H3C4: variants seen among roughly 807,000 people sequenced by gnomAD.
The protein encoded by H3C4 is H3 clustered histone 4.
In H3C4, 10 loss-of-function variants were observed where a neutral mutation model predicts 8.7. That is an observed-to-expected ratio of 1.15 (90% CI 0.71 to 1.96). The LOEUF (loss-of-function observed/expected upper bound fraction) is 1.96. Among genes scored for constraint, H3C4 ranks in the 30% most tolerant of loss-of-function variants. H3C4 has a pLI of 0.00. For synonymous variants in H3C4, 141 were observed against 80.1 expected (o/e 1.76, Z -4.06); for missense variants, 216 against 192.9 (o/e 1.12, Z -0.71).
At chr6:26,198,606 A>G (rs762855821), upstream of H3C4, among the ~76,000 whole-genome samples, 22 of 152,194 alleles carry the variant, frequency 1.4e-4, no homozygotes, top group Non-Finnish European at 1.0e-4. Context: ...TCCTGGGATT[A>G]CAGGCGTAAG....
upstream of H3C4, chr6:26,199,293 T>C (rs897718233): frequency 1.9e-6 from 3 of 1,562,004 alleles, no homozygotes; most frequent in Non-Finnish European, 1.7e-6. Flanking sequence ...AATGTAAAAG[T>C]GAATTTTGTT....
At chr6:26,199,127 G>C, upstream of H3C4, 1 of 1,614,232 alleles carries the variant, frequency 6.2e-7, no homozygotes, top group East Asian at 2.2e-5. Flanking sequence ...GCTCGGAGTA[G>C]TTGCCCTTGC....
upstream of H3C4, among the ~76,000 whole-genome samples, chr6:26,197,532 G>T (rs1029857641): frequency 6.6e-6 from 1 of 152,044 alleles, no homozygotes; most frequent in Non-Finnish European, 1.5e-5. Flanking sequence ...TGGCAAAATT[G>T]TGTCTAGCTA....
rs775620987 is a variant in H3C4 at position 26,197,071 on chromosome 6, C to T, written c.180G>A (p.Glu60=). ...REIRRYQKST[E]LLIRKLPFQR... The stretch of plus-strand genomic sequence containing the variant: ...GGAATGGCAGTTTGCGAATCAGCAG[C>T]TCGGTCGACTTCTGGTAGCGGCGGA... The change falls in exon 1 of 1, where the codon GAG becomes GAA. Residue 60 remains glutamate (E), a synonymous_variant. Transcript: ENST00000356476. 1 of 1,614,248 alleles carries T rather than the reference C, an allele frequency of 6.2e-7. No individual in the cohort carries two copies.
chr6:26,199,112 G>A (rs776440489), upstream of H3C4: 41 of 1,614,052 alleles, frequency 2.5e-5, no homozygotes, highest in South Asian at 2.2e-4. Flanking sequence ...CGCCGGCCCC[G>A]ACTCGCTCGG....
chr6:26,197,544 T>A (rs1312179734), upstream of H3C4, among the ~76,000 whole-genome samples: 1 of 152,192 alleles, frequency 6.6e-6, no homozygotes, highest in Non-Finnish European at 1.5e-5. Context: ...GTCTAGCTAC[T>A]AGGATGACGT....
In H3C4 at chr6:26,197,054, A is replaced by T; in HGVS notation, c.197T>A (p.Leu66Gln). The change falls in exon 1 of 1, where the codon CTG becomes CAG. Residue 66 changes from leucine (L) to glutamine (Q), a missense_variant. Physicochemically the swap from Leu to Gln is moderately radical, Grantham distance 113 (BLOSUM62 -2). Coordinates refer to ENST00000356476, the MANE Select transcript of H3C4 (RefSeq NM_001376937.1). ...CTCACGGACTAGACGCTGGAATGGCAGTTTGCGAATCAGCAGCTCGGTCGA... is the reference window on the plus strand; with the variant it reads ...CTCACGGACTAGACGCTGGAATGGCTGTTTGCGAATCAGCAGCTCGGTCGA... ...QKSTELLIRK[L>Q]PFQRLVREIA... The T allele has an allele frequency of 6.2e-7, 1 of 1,614,204 alleles. No homozygotes were observed.
upstream of H3C4, chr6:26,198,782 C>T: frequency 1.4e-6 from 2 of 1,479,608 alleles, no homozygotes; most frequent in African/African-American, 1.4e-5. Flanking sequence ...TTAAGGAATA[C>T]ATGGGTGGCT....
chr6:26,199,087 C>T, upstream of H3C4: 2 of 1,614,176 alleles, frequency 1.2e-6, no homozygotes, highest in Non-Finnish European at 1.7e-6. Context: ...AACACCGCCG[C>T]CAGATACACT....
At position 26,197,098 on chromosome 6, in the gene H3C4, C is replaced by A; in HGVS notation, c.153G>T (p.Glu51Asp). Residue 51 changes from glutamate to aspartate, a missense_variant, in exon 1 of 1, where the codon GAG becomes GAT. Transcript: ENST00000356476. ...RYRPGTVALREIRRYQKSTEL... is the reference protein window; with the variant it reads ...RYRPGTVALRDIRRYQKSTEL... ...CGGTCGACTTCTGGTAGCGGCGGAT[C>A]TCGCGCAGAGCCACCGTGCCGGGCC... 6.2e-7 allele frequency: 1 copy of A among 1,614,214 alleles called. No homozygotes were observed. Among genetic ancestry groups the A allele is most frequent in the Non-Finnish European group, 8.5e-7 (1 of 1,180,038 alleles).
chr6:26,198,783 A>T (rs1765048325), upstream of H3C4: 1 of 1,488,378 alleles, frequency 6.7e-7, no homozygotes, highest in Non-Finnish European at 9.2e-7. Flanking sequence ...TAAGGAATAC[A>T]TGGGTGGCTC....
upstream of H3C4, chr6:26,198,880 C>CA (rs768934419): frequency 9.9e-6 from 16 of 1,613,970 alleles, no homozygotes; most frequent in South Asian, 6.6e-5. Flanking sequence ...TGGTGACTCT[C>CA]AGTCTTCTTG....
chr6:26,198,307 C>T (rs1765028964), upstream of H3C4, among the ~76,000 whole-genome samples: 1 of 152,144 alleles, frequency 6.6e-6, no homozygotes, highest in Non-Finnish European at 1.5e-5. Context: ...CATAAAGTCT[C>T]TTTGCATTTT....
At chr6:26,199,181 C>A (rs758098633), upstream of H3C4, 7 of 1,613,948 alleles carry the variant, frequency 4.3e-6, no homozygotes, top group East Asian at 2.2e-5. Flanking sequence ...GGAGTCCGGC[C>A]CGCGAAGAGC....
chr6:26,198,302 A>C (rs1765028815), upstream of H3C4, among the ~76,000 whole-genome samples: 1 of 152,176 alleles, frequency 6.6e-6, no homozygotes, highest in East Asian at 1.9e-4. Context: ...TGTGACATAA[A>C]GTCTCTTTGC....
chr6:26,198,830 G>A (rs538661204), upstream of H3C4: 4 of 1,603,572 alleles, frequency 2.5e-6, no homozygotes, highest in African/African-American at 1.4e-5. Flanking sequence ...TCCTTAAAAA[G>A]CCAATATAAG....
At chr6:26,199,087 C>A (rs773050913), upstream of H3C4, 6 of 1,614,176 alleles carry the variant, frequency 3.7e-6, no homozygotes, top group South Asian at 1.1e-5. Flanking sequence ...AACACCGCCG[C>A]CAGATACACT....
chr6:26,198,829 AG>A (rs1376188704), upstream of H3C4: 1 of 1,602,844 alleles, frequency 6.2e-7, no homozygotes. Context: ...TTCCTTAAAA[AG>A]CCAATATAAG....
upstream of H3C4, chr6:26,198,988 G>C (rs762403025): frequency 1.2e-6 from 2 of 1,614,216 alleles, no homozygotes; most frequent in Non-Finnish European, 1.7e-6. Context: ...CGGATGGCCA[G>C]CTGCAGGTGT....
Sources: allele counts gnomAD v4.1 joint callset (sites outside exome capture counted in the v4.1 genomes callset), GRCh38; gene constraint gnomAD v4.1.1; transcripts MANE v1.5; gene names NCBI Gene and HGNC (gene_info 2026-07-23, HGNC 2026-07-21).